Variants in SLC25A16 observed in about 807,000 individuals in gnomAD.
SLC25A16 encodes mitochondrial coenzyme A transporter SLC25A16.
SLC25A16 carries 39 observed loss-of-function variants against 41.5 expected under a neutral mutation model. The observed-to-expected ratio is 0.94, with a 90% CI of 0.73 to 1.23. The LOEUF (loss-of-function observed/expected upper bound fraction) is 1.23. SLC25A16 is among the 50% of genes most tolerant of loss of function. SLC25A16 has a pLI of 0.00. For missense variants in SLC25A16, 421 were observed against 426.9 expected (o/e 0.99, Z 0.12); for synonymous variants, 146 against 147.8 (o/e 0.99, Z 0.09).
At chr10:68,526,109 A>G (rs1411526464) in intron 1 of SLC25A16, among the ~76,000 whole-genome samples, 1 of 151,758 alleles carries the variant, frequency 6.6e-6, no homozygotes, top group Non-Finnish European at 1.5e-5. Flanking sequence ...GCTGAGGAGG[A>G]TTAGTATAAG....
Position 68,516,518 on chromosome 10 carries a change from A to C in SLC25A16, c.223+233T>G, listed in dbSNP as rs368919353. Among the ~76,000 whole-genome samples the C allele has an allele frequency of 5.9e-5, 9 of 152,366 alleles. No homozygotes were observed. The East Asian group carries it at 1.3e-3, about 23-fold the overall frequency. The stretch of plus-strand genomic sequence containing the variant: ...CTAAATTGTGGGAGCTAAGAACATA[A>C]AGCACATTGATTTTTTAATCATGGC... On this transcript the variant is annotated intron_variant, in intron 2 of 8. Coordinates refer to ENST00000609923, the MANE Select transcript of SLC25A16 (RefSeq NM_152707.4).
In SLC25A16 at chr10:68,527,506, C is replaced by G. The variant is rs1480014974; in HGVS notation, c.-131G>C. ...GGCAAAGTAACACCCGGCGGCGCGG[C>G]GCCGGCTGATGGCGTACAGCAAGGG... On this transcript the variant is annotated 5_prime_UTR_variant, in exon 1 of 9. Coordinates refer to ENST00000609923, the MANE Select transcript of SLC25A16 (RefSeq NM_152707.4). 2 of 869,238 alleles carry G rather than the reference C, an allele frequency of 2.3e-6. No individual in the cohort carries two copies. The highest frequency in any genetic ancestry group is 1.8e-5 in the African/African-American group (1 of 55,106). The allele number at this position is 869,238 out of a possible 1,614,324, so 53.8% of individuals were successfully genotyped here.
intron 4 of SLC25A16, among the ~76,000 whole-genome samples, chr10:68,494,704 C>T (rs536081720): frequency 7.2e-6 from 1 of 138,442 alleles, no homozygotes. Context: ...TGGTGAAACC[C>T]CATCTCTACT....
intron 6 of SLC25A16, among the ~76,000 whole-genome samples, chr10:68,492,488 G>A (rs2052676072): frequency 6.6e-6 from 1 of 152,126 alleles, no homozygotes; most frequent in South Asian, 2.1e-4. Context: ...AAACAGGACT[G>A]CTGGGCACGG....
At position 68,479,766 on chromosome 10, in the gene SLC25A16, T is replaced by TGCACTCCAGCCTGG. The variant is rs1166115533; in HGVS notation, c.*3652_*3665dup. 4 of 145,012 alleles carry TGCACTCCAGCCTGG rather than the reference T, an allele frequency of 2.8e-5. No individual in the cohort carries two copies. The highest frequency in any genetic ancestry group is 5.2e-5 in the African/African-American group (2 of 38,598). 9.0% of individuals were successfully genotyped at this position (145,012 alleles called of 1,614,324 possible). ...TTGCAGTGAGCTGAGATCACACCAC[T>TGCACTCCAGCCTGG]GCACTCCAGCCTGGGCACTCCAGCC... On this transcript the variant is annotated 3_prime_UTR_variant, in exon 9 of 9. Coordinates refer to ENST00000609923, the MANE Select transcript of SLC25A16 (RefSeq NM_152707.4).
rs563834343 is a variant in SLC25A16 at position 68,485,218 on chromosome 10, T to C, written c.843-1630A>G. Among the ~76,000 whole-genome samples the C allele has an allele frequency of 6.7e-3, 1,003 of 150,782 alleles. 15 individuals carry two copies. The highest frequency in any genetic ancestry group is 0.023 in the African/African-American group (951 of 40,914). On this transcript the variant is annotated intron_variant, in intron 8 of 8. Transcript: ENST00000609923. Reference sequence around the variant, plus strand: ...GATTCTTGTGCCTCAGCTTCCAGAGTATCTGGGACTACAGGCGCACACCGC... The same window carrying C: ...GATTCTTGTGCCTCAGCTTCCAGAGCATCTGGGACTACAGGCGCACACCGC...
chr10:68,499,548 TTG>T, intron 4 of SLC25A16: 1 of 229,206 alleles, frequency 4.4e-6, no homozygotes. Flanking sequence ...TTCAATCCCT[TTG>T]TGACTTCCAA....
chr10:68,502,943 A>G (rs1332485987), intron 4 of SLC25A16, among the ~76,000 whole-genome samples: 8 of 19,454 alleles, frequency 4.1e-4, no homozygotes, highest in African/African-American at 9.4e-4. Flanking sequence ...AGGGGAGGGG[A>G]AAGGAGGGGG....
intron 1 of SLC25A16, among the ~76,000 whole-genome samples, chr10:68,522,952 C>T (rs1451549176): frequency 1.3e-5 from 2 of 151,888 alleles, no homozygotes; most frequent in African/African-American, 4.8e-5. Flanking sequence ...CCACTGCACT[C>T]CAGCCTAGGC....
chr10:68,490,319 T>C (rs2052634857), intron 6 of SLC25A16, among the ~76,000 whole-genome samples: 1 of 151,816 alleles, frequency 6.6e-6, no homozygotes, highest in Admixed American at 6.6e-5. Context: ...TATTATTTTT[T>C]TAAGATGACT....
At chr10:68,522,033 A>G (rs2053259103) in intron 1 of SLC25A16, among the ~76,000 whole-genome samples, 1 of 151,914 alleles carries the variant, frequency 6.6e-6, no homozygotes, top group Admixed American at 6.6e-5. Flanking sequence ...GATGGCGCAC[A>G]CCACCTGTAG....
At chr10:68,501,555 G>C (rs771273814) in intron 4 of SLC25A16, among the ~76,000 whole-genome samples, 3 of 150,956 alleles carry the variant, frequency 2.0e-5, no homozygotes, top group Non-Finnish European at 4.4e-5. Flanking sequence ...AGGAGAGAAT[G>C]AGGGGAGGGG....
At chr10:68,511,034 C>T (rs955879348) in intron 2 of SLC25A16, among the ~76,000 whole-genome samples, 16 of 152,052 alleles carry the variant, frequency 1.1e-4, no homozygotes, top group African/African-American at 3.4e-4. Context: ...GTCAGGAGGT[C>T]GAGACCAGCA....
intron 6 of SLC25A16, among the ~76,000 whole-genome samples, chr10:68,490,535 G>A (rs150593667): frequency 0.021 from 3,136 of 151,876 alleles, 96 homozygotes; most frequent in African/African-American, 0.072. Flanking sequence ...TAGAGATGGC[G>A]TTTCATCATG....
intron 5 of SLC25A16, 26 bp downstream of exon 5, chr10:68,493,423 A>T: frequency 6.3e-7 from 1 of 1,595,040 alleles, no homozygotes; most frequent in Non-Finnish European, 8.6e-7. Context: ...GGCATGTTAT[A>T]GATGAGGAAG....
chr10:68,526,388 T>A (rs2053338456), intron 1 of SLC25A16, among the ~76,000 whole-genome samples: 1 of 152,204 alleles, frequency 6.6e-6, no homozygotes, highest in South Asian at 2.1e-4. Context: ...CGTGTTTGTC[T>A]GCTGACCCTC....
intron 2 of SLC25A16, among the ~76,000 whole-genome samples, chr10:68,512,036 T>C (rs553331663): frequency 6.6e-6 from 1 of 152,236 alleles, no homozygotes; most frequent in East Asian, 1.9e-4. Flanking sequence ...TTTGTATTTT[T>C]AGTAGAGACG....
intron 1 of SLC25A16, among the ~76,000 whole-genome samples, chr10:68,518,831 A>C (rs2133593201): frequency 6.6e-6 from 1 of 151,914 alleles, no homozygotes; most frequent in African/African-American, 2.4e-5. Flanking sequence ...AATAAATAAA[A>C]TGTATTTTTT....
chr10:68,483,458 T>G lies in SLC25A16; in HGVS notation c.973A>C (p.Met325Leu). 1 of 1,595,338 alleles carries G rather than the reference T, an allele frequency of 6.3e-7. No homozygotes were observed. The highest frequency in any genetic ancestry group is 8.5e-7 in the Non-Finnish European group (1 of 1,173,166). Residue 325 changes from methionine (M) to leucine (L), a missense_variant, in exon 9 of 9, where the codon ATG becomes CTG. Transcript: ENST00000609923. ...TAGTTGAGGTGAAAAAACTGCTTCA[T>G]AAGTTCGTATGTTGTAAAAGCCACT... Reference protein sequence around the residue: ...QAVAFTTYELMKQFFHLN With the variant: ...QAVAFTTYELLKQFFHLN
Sources: allele counts gnomAD v4.1 joint callset (sites outside exome capture counted in the v4.1 genomes callset), GRCh38; gene constraint gnomAD v4.1.1; transcripts MANE v1.5; gene names NCBI Gene and HGNC (gene_info 2026-07-23, HGNC 2026-07-21).